C9orf85: variants seen among roughly 807,000 people sequenced by gnomAD.
The protein encoded by C9orf85 is uncharacterized protein C9orf85.
C9orf85 carries 16 observed loss-of-function variants against 14.9 expected under a neutral mutation model. The observed-to-expected ratio is 1.08, with a 90% confidence interval of 0.73 to 1.63. The LOEUF is 1.63. Among genes scored for constraint, C9orf85 ranks in the 40% most tolerant of loss-of-function variants. The pLI is 0.00. For synonymous variants in C9orf85, 45 were observed against 56.8 expected, an observed-to-expected ratio of 0.79 and a Z score of 0.93; for missense variants, 172 against 186.1, an observed-to-expected ratio of 0.92 and a Z score of 0.44.
chr9:71,955,039 GA>G (rs1324429288), intron 2 of C9orf85, among the ~76,000 whole-genome samples: 6 of 152,164 alleles, frequency 3.9e-5, no homozygotes, highest in Admixed American at 2.6e-4. Context: ...TTTTTAAAGG[GA>G]AGAATTTCTA....
intron 1 of C9orf85, among the ~76,000 whole-genome samples, chr9:71,935,115 G>A (rs1828159386): frequency 6.6e-6 from 1 of 152,112 alleles, no homozygotes; most frequent in South Asian, 2.1e-4. Flanking sequence ...AAAGTAACAT[G>A]TTTTGAGGCT....
intron 2 of C9orf85, among the ~76,000 whole-genome samples, chr9:71,970,946 G>A (rs1333304019): frequency 2.0e-5 from 3 of 151,934 alleles, no homozygotes; most frequent in Non-Finnish European, 4.4e-5. Flanking sequence ...GTAGAGATGG[G>A]GTTTCACCAT....
chr9:71,915,500 G>C (rs1283192754), intron 1 of C9orf85, among the ~76,000 whole-genome samples: 3 of 151,950 alleles, frequency 2.0e-5, no homozygotes, highest in Non-Finnish European at 2.9e-5. Flanking sequence ...TAAGAAATAG[G>C]GATAAAAATA....
intron 1 of C9orf85, among the ~76,000 whole-genome samples, chr9:71,917,774 A>G (rs1322907781): frequency 6.6e-6 from 1 of 152,252 alleles, no homozygotes; most frequent in Non-Finnish European, 1.5e-5. Context: ...TGGCAGGAGC[A>G]GTGAAGATTA....
chr9:71,935,955 T>G (rs1828179546), intron 1 of C9orf85, among the ~76,000 whole-genome samples: 1 of 151,956 alleles, frequency 6.6e-6, no homozygotes, highest in African/African-American at 2.4e-5. Context: ...CCCTCCGTCT[T>G]TACTCTGTAA....
intron 1 of C9orf85, among the ~76,000 whole-genome samples, chr9:71,924,104 G>A (rs1827877126): frequency 6.6e-6 from 1 of 152,160 alleles, no homozygotes; most frequent in Admixed American, 6.5e-5. Flanking sequence ...CCTTCTTTGG[G>A]CTGAAAGAAA....
chr9:71,973,333 G>C lies in C9orf85; in HGVS notation c.*491G>C, dbSNP rs1265824896. On this transcript the variant is annotated 3_prime_UTR_variant, in exon 4 of 4. Transcript: ENST00000334731. ...TTAACATCAAACTAAACAAGATTCA[G>C]AATTGATGGTTGTATAAGAACTAGC... 1 of 152,046 alleles carries C rather than the reference G, an allele frequency of 6.6e-6. No individual in the cohort carries two copies. The highest frequency in any genetic ancestry group is 6.6e-5 in the Admixed American group (1 of 15,254). The allele number at this position is 152,046 out of a possible 1,614,324, so 9.4% of individuals were successfully genotyped here.
chr9:71,944,563 T>C (rs1394754918), intron 1 of C9orf85, among the ~76,000 whole-genome samples: 1 of 152,136 alleles, frequency 6.6e-6, no homozygotes, highest in East Asian at 1.9e-4. Flanking sequence ...CCATGAGGGA[T>C]ACACTAAAAG....
intron 1 of C9orf85, among the ~76,000 whole-genome samples, chr9:71,915,048 CT>C (rs1458052146): frequency 2.0e-5 from 3 of 152,128 alleles, no homozygotes; most frequent in Non-Finnish European, 4.4e-5. Context: ...AGCCCCAGTT[CT>C]GTCATTTGTT....
chr9:71,963,620 GC>G (rs1413639427), intron 2 of C9orf85, among the ~76,000 whole-genome samples: 3 of 152,196 alleles, frequency 2.0e-5, no homozygotes, highest in African/African-American at 7.2e-5. Flanking sequence ...GGCTTGGCGG[GC>G]CCTGCACTCA....
intron 1 of C9orf85, among the ~76,000 whole-genome samples, chr9:71,938,424 A>T (rs1267680925): frequency 6.6e-6 from 1 of 151,990 alleles, no homozygotes. Context: ...AATATAAGTC[A>T]GTTGAGTTGA....
intron 2 of C9orf85, among the ~76,000 whole-genome samples, chr9:71,953,194 A>G (rs757217958): frequency 1.1e-4 from 17 of 152,214 alleles, no homozygotes; most frequent in Non-Finnish European, 2.2e-4. Flanking sequence ...GTCTTGGTTG[A>G]GAAGCCTTGC....
intron 1 of C9orf85, among the ~76,000 whole-genome samples, chr9:71,921,479 TC>T (rs1827802860): frequency 6.6e-6 from 1 of 152,192 alleles, no homozygotes; most frequent in African/African-American, 2.4e-5. Flanking sequence ...TCTGGAAGGC[TC>T]CCCCACCTCC....
intron 1 of C9orf85, among the ~76,000 whole-genome samples, chr9:71,943,335 CA>C (rs562578571): frequency 6.6e-6 from 1 of 150,816 alleles, no homozygotes; most frequent in Admixed American, 6.6e-5. Flanking sequence ...GAATTATGTA[CA>C]AAAAAAACCT....
chr9:71,920,370 G>T (rs1827765675), intron 1 of C9orf85, among the ~76,000 whole-genome samples: 1 of 152,162 alleles, frequency 6.6e-6, no homozygotes, highest in African/African-American at 2.4e-5. Context: ...TGTATCACCA[G>T]TATTTGTTTC....
At chr9:71,977,150 T>G (rs370887516), downstream of C9orf85, among the ~76,000 whole-genome samples, 2 of 152,170 alleles carry the variant, frequency 1.3e-5, no homozygotes, top group East Asian at 1.9e-4. Flanking sequence ...GATAATTACA[T>G]GTCCAGAGCT....
chr9:71,960,867 T>C (rs1184317806), intron 2 of C9orf85, among the ~76,000 whole-genome samples: 1 of 151,250 alleles, frequency 6.6e-6, no homozygotes, highest in African/African-American at 2.4e-5. Flanking sequence ...CCTTCATGTT[T>C]ACCAGTGTGT....
downstream of C9orf85, among the ~76,000 whole-genome samples, chr9:71,976,577 G>A (rs955522085): frequency 6.6e-6 from 1 of 151,678 alleles, no homozygotes; most frequent in African/African-American, 2.4e-5. Flanking sequence ...CAGGAGAATG[G>A]CATGAACCCG....
intron 1 of C9orf85, among the ~76,000 whole-genome samples, chr9:71,931,387 CAG>C (rs1264907878): frequency 6.6e-6 from 1 of 151,488 alleles, no homozygotes; most frequent in African/African-American, 2.4e-5. Context: ...TGTAACTAAA[CAG>C]TGTTTAGTCT....
Sources: allele counts gnomAD v4.1 joint callset (sites outside exome capture counted in the v4.1 genomes callset), GRCh38; gene constraint gnomAD v4.1.1; transcripts MANE v1.5; gene names NCBI Gene and HGNC (gene_info 2026-07-23, HGNC 2026-07-21).